The following ARSG variants were observed in gnomAD, a reference collection of about 807,000 sequenced individuals.
ARSG encodes the protein arylsulfatase G, also known as ASG.
In ARSG, 37 loss-of-function variants were observed where a neutral mutation model predicts 50.5. That is an observed-to-expected ratio of 0.73 (90% confidence interval 0.56 to 0.96). The LOEUF is 0.96. ARSG is among the 50% of genes least tolerant of loss of function. The pLI is 0.00. For missense variants in ARSG, 629 were observed against 675.3 expected, an observed-to-expected ratio of 0.93 and a Z score of 0.76; for synonymous variants, 225 against 254.6, an observed-to-expected ratio of 0.88 and a Z score of 1.11.
At chr17:68,318,395 C>G (rs2077155025) in intron 2 of ARSG, among the ~76,000 whole-genome samples, 1 of 152,194 alleles carries the variant, frequency 6.6e-6, no homozygotes, top group South Asian at 2.1e-4. Context: ...CTTGAAAATT[C>G]TCAGGCTGGG....
intron 2 of ARSG, among the ~76,000 whole-genome samples, chr17:68,326,224 C>T (rs1270060348): frequency 2.6e-5 from 4 of 152,216 alleles, no homozygotes; most frequent in Admixed American, 1.3e-4. Context: ...CAGGTGTAGC[C>T]GGGTCAGGGA....
chr17:68,321,396 T>C (rs2077276520), intron 2 of ARSG, among the ~76,000 whole-genome samples: 1 of 152,224 alleles, frequency 6.6e-6, no homozygotes, highest in African/African-American at 2.4e-5. Flanking sequence ...GAGGCTGGGC[T>C]GAGCTGGTTC....
the ARSG span, among the ~76,000 whole-genome samples, chr17:68,447,695 G>C: frequency 6.6e-6 from 1 of 152,084 alleles, no homozygotes; most frequent in East Asian, 1.9e-4. Flanking sequence ...TATATACTTA[G>C]AAAAAAGGGA....
chr17:68,361,623 G>GA (rs1294598159), intron 6 of ARSG, among the ~76,000 whole-genome samples: 2 of 151,538 alleles, frequency 1.3e-5, no homozygotes, highest in Non-Finnish European at 2.9e-5. Flanking sequence ...CCTGGAAAAA[G>GA]AAAAAAAAGG....
chr17:68,413,717 C>T (rs1188690100), intron 11 of ARSG: 6 of 159,944 alleles, frequency 3.8e-5, no homozygotes, highest in East Asian at 3.7e-4. Context: ...CCCAGCCTCG[C>T]TGCCGCCTTG....
At position 68,378,434 on chromosome 17, in the gene ARSG, C is replaced by T. The variant is rs867709127; in HGVS notation, c.983-6630C>T. On this transcript the variant is annotated intron_variant, in intron 8 of 11. Transcript: ENST00000621439. The surrounding 1 kb of genome is among the most constrained non-coding windows in gnomAD (Gnocchi z 4.4). ...CAGCTCAGCTGATGGGATGAGGCAG[C>T]GTCTCCTGGAGTCATCTTTTCACCC... 2.6e-5 allele frequency among the ~76,000 whole-genome samples: 4 copies of T among 152,210 alleles called. No individual in the cohort carries two copies. Among genetic ancestry groups the T allele is most frequent in the East Asian group, 1.9e-4 (1 of 5,194 alleles).
At chr17:68,444,338 T>A in the ARSG span, among the ~76,000 whole-genome samples, 1 of 152,200 alleles carries the variant, frequency 6.6e-6, no homozygotes, top group South Asian at 2.1e-4. Context: ...ATAATTTGAA[T>A]CTGCCGCCAT....
intron 8 of ARSG, among the ~76,000 whole-genome samples, chr17:68,375,891 T>G (rs1176293647): frequency 6.6e-6 from 1 of 152,116 alleles, no homozygotes; most frequent in East Asian, 1.9e-4. Flanking sequence ...TTGGCTTTTA[T>G]TTTAAGGAAA....
chr17:68,428,725 G>T, the ARSG span: 3 of 883,452 alleles, frequency 3.4e-6, no homozygotes, highest in African/African-American at 1.7e-5. Flanking sequence ...TGCCAGTGAA[G>T]AACAAATCAA....
At chr17:68,315,576 C>T (rs542983612) in intron 2 of ARSG, among the ~76,000 whole-genome samples, 1 of 151,362 alleles carries the variant, frequency 6.6e-6, no homozygotes, top group African/African-American at 2.4e-5. Flanking sequence ...CCCTTTGGTG[C>T]TAATGAAGGA....
chr17:68,410,166 AG>A lies in ARSG; in HGVS notation c.1303+8718del, dbSNP rs1242719664. The stretch of plus-strand genomic sequence containing the variant: ...CAGAACTTCCAACACTATGTTGAAT[AG>A]GAGTGGTGAGAGAGGGCATCCCTGT... On this transcript the variant is annotated intron_variant, in intron 11 of 11. Coordinates refer to ENST00000621439, the MANE Select transcript of ARSG (RefSeq NM_001267727.2). Among the ~76,000 whole-genome samples the A allele has an allele frequency of 2.6e-5, 3 of 116,136 alleles. No individual in the cohort carries two copies. In the South Asian group the frequency reaches 1.0e-3, roughly 39 times the overall value. 76.2% of individuals were successfully genotyped at this position (116,136 alleles called of 152,430 possible). A position where few individuals can be genotyped will look rare whatever the true frequency, so the allele number is the denominator to read the frequency against.
At chr17:68,348,577 G>GT (rs1417379346) in intron 4 of ARSG, among the ~76,000 whole-genome samples, 4 of 152,002 alleles carry the variant, frequency 2.6e-5, no homozygotes, top group Admixed American at 2.6e-4. Flanking sequence ...CACTGTCCTG[G>GT]TTCCCCGTCT....
At chr17:68,412,660 G>C (rs1450137399) in intron 11 of ARSG, among the ~76,000 whole-genome samples, 1 of 152,064 alleles carries the variant, frequency 6.6e-6, no homozygotes, top group Non-Finnish European at 1.5e-5. Context: ...GAATCTGAAT[G>C]TTGGCCTGCC....
At chr17:68,428,857 C>T in the ARSG span, 91 of 1,613,956 alleles carry the variant, frequency 5.6e-5, no homozygotes, top group Non-Finnish European at 7.5e-5. Flanking sequence ...ACACACTCTC[C>T]TCCATCCTGA....
chr17:68,282,064 C>G (rs1222646366), intron 1 of ARSG, among the ~76,000 whole-genome samples: 2 of 152,062 alleles, frequency 1.3e-5, no homozygotes, highest in African/African-American at 4.8e-5. Context: ...ATGTTTATTG[C>G]GGCACTATTC....
intron 2 of ARSG, among the ~76,000 whole-genome samples, chr17:68,334,591 T>C (rs2077929306): frequency 6.6e-6 from 1 of 152,086 alleles, no homozygotes. Flanking sequence ...ACTCCTTGGT[T>C]GGGCAATTCT....
chr17:68,368,560 G>A lies in ARSG; in HGVS notation c.717G>A (p.Arg239=), dbSNP rs200147106. 12 of 1,613,756 alleles carry A rather than the reference G, an allele frequency of 7.4e-6. No homozygotes were observed. The South Asian group carries it at 1.2e-4, about 16-fold the overall frequency. Reference sequence around the variant, plus strand: ...TCTCCTGTTTCAGCACCAGCGGGAGGCCCTTCCTGCTCTATGTGGCTCTGG... The same window carrying A: ...TCTCCTGTTTCAGCACCAGCGGGAGACCCTTCCTGCTCTATGTGGCTCTGG... The part of the protein sequence containing the change: ...QFIQRASTSG[R]PFLLYVALAH... The change falls in exon 7 of 12, where the codon AGG becomes AGA. Residue 239 remains arginine (R), a synonymous_variant. Transcript: ENST00000621439.
chr17:68,282,685 T>C (rs1490078727), intron 1 of ARSG, among the ~76,000 whole-genome samples: 1 of 149,280 alleles, frequency 6.7e-6, no homozygotes, highest in African/African-American at 2.5e-5. Context: ...GGCTCATGCC[T>C]GTAATCCCAG....
At chr17:68,386,401 C>G (rs2080725065) in intron 9 of ARSG, among the ~76,000 whole-genome samples, 1 of 152,156 alleles carries the variant, frequency 6.6e-6, no homozygotes, top group South Asian at 2.1e-4. Context: ...TTCATTGGCA[C>G]CCTCTGACTT....
Sources: allele counts gnomAD v4.1 joint callset (sites outside exome capture counted in the v4.1 genomes callset), GRCh38; gene constraint gnomAD v4.1.1; non-coding constraint Gnocchi (gnomAD v3.1); transcripts MANE v1.5; gene names NCBI Gene and HGNC (gene_info 2026-07-23, HGNC 2026-07-21).